Variants in AAGAB observed in about 807,000 individuals in gnomAD.
AAGAB encodes alpha- and gamma-adaptin-binding protein p34.
AAGAB carries 38 observed loss-of-function variants against 44.1 expected under a neutral mutation model. That is an observed-to-expected ratio of 0.86 (90% CI 0.67 to 1.13). AAGAB has a LOEUF of 1.13. Among genes scored for constraint, AAGAB ranks in the 50% most tolerant of loss-of-function variants. AAGAB has a pLI of 0.00. For synonymous variants in AAGAB, 131 were observed against 131.8 expected (o/e 0.99, Z 0.04); for missense variants, 450 against 373.8 (o/e 1.20, Z -1.68).
chr15:67,231,092 T>G (rs1160870870), intron 5 of AAGAB, among the ~76,000 whole-genome samples: 1 of 152,106 alleles, frequency 6.6e-6, no homozygotes, highest in Non-Finnish European at 1.5e-5. Flanking sequence ...CAGGCTGGTG[T>G]GCAGTGGCAT....
intron 7 of AAGAB, among the ~76,000 whole-genome samples, chr15:67,207,405 C>T (rs948635471): frequency 1.3e-5 from 2 of 152,164 alleles, no homozygotes; most frequent in African/African-American, 4.8e-5. Context: ...GCCATGAGTT[C>T]ATACTGATAC....
rs141070995 is a variant in AAGAB, at chr15:67,214,255, C to A, written c.536-4711G>T. On this transcript the variant is annotated intron_variant, in intron 5 of 9. Transcript: ENST00000261880. ...TTAGACTGTGATTTTCACTGAAGTA[C>A]GCTGAATAACTCAGGACTGAATAAT... Among the ~76,000 whole-genome samples, 3 of 152,176 alleles carry A rather than the reference C, an allele frequency of 2.0e-5. No individual in the cohort carries two copies. The East Asian group carries it at 5.8e-4, about 29-fold the overall frequency.
intron 5 of AAGAB, among the ~76,000 whole-genome samples, chr15:67,217,534 C>T (rs1963978179): frequency 6.6e-6 from 1 of 152,054 alleles, no homozygotes; most frequent in African/African-American, 2.4e-5. Flanking sequence ...TGTTTAGGTA[C>T]ACATTTCTTT....
Position 67,209,080 on chromosome 15 carries a change from G to C in AAGAB, c.618+382C>G, listed in dbSNP as rs147319532. Among the ~76,000 whole-genome samples the C allele has an allele frequency of 5.3e-5, 8 of 152,322 alleles. No homozygotes were observed. In the East Asian group the frequency reaches 1.5e-3, roughly 29 times the overall value. ...GTAAACCTGGAACAAAGTTCTTAAG[G>C]ATGCAGGGTTGAAACTGGACTACAA... On this transcript the variant is annotated intron_variant, in intron 6 of 9. Transcript: ENST00000261880.
chr15:67,212,064 T>C (rs1241493268), intron 5 of AAGAB, among the ~76,000 whole-genome samples: 1 of 152,068 alleles, frequency 6.6e-6, no homozygotes, highest in Non-Finnish European at 1.5e-5. Context: ...TGTATTTTTA[T>C]TGGAGACGGG....
At chr15:67,203,475 T>A (rs149079147) in intron 9 of AAGAB, 73 bp downstream of exon 9, 16,356 of 1,261,368 alleles carry the variant, frequency 0.013, 200 homozygotes, top group South Asian at 0.029. Flanking sequence ...AATACACAAG[T>A]GTGATATATA....
At chr15:67,208,364 T>C (rs1191116891) in intron 7 of AAGAB, among the ~76,000 whole-genome samples, 198 bp downstream of exon 7, 3 of 152,222 alleles carry the variant, frequency 2.0e-5, no homozygotes, top group Non-Finnish European at 4.4e-5. Context: ...GAGAAAATGG[T>C]ACCCACATAT....
At chr15:67,225,460 G>GT in intron 5 of AAGAB, among the ~76,000 whole-genome samples, 1 of 151,962 alleles carries the variant, frequency 6.6e-6, no homozygotes, top group East Asian at 1.9e-4. Flanking sequence ...TGATTCAGTG[G>GT]TTTTTAGTAT....
chr15:67,210,176 T>C (rs1963782082), intron 5 of AAGAB, among the ~76,000 whole-genome samples: 2 of 152,202 alleles, frequency 1.3e-5, no homozygotes, highest in African/African-American at 4.8e-5. Context: ...AAGGCATTCA[T>C]ATCAGGTGAA....
At chr15:67,253,108 A>G (rs1014378629) in intron 1 of AAGAB, among the ~76,000 whole-genome samples, 1 of 152,200 alleles carries the variant, frequency 6.6e-6, no homozygotes, top group African/African-American at 2.4e-5. Flanking sequence ...TCTTGCGAAA[A>G]TTATCCCTAT....
At chr15:67,206,150 G>A (rs1477679575) in intron 7 of AAGAB, among the ~76,000 whole-genome samples, 3 of 152,082 alleles carry the variant, frequency 2.0e-5, no homozygotes, top group African/African-American at 4.8e-5. Flanking sequence ...AGTCTTTCAC[G>A]ACTTTAACAC....
At chr15:67,203,475 T>C in intron 9 of AAGAB, 73 bp downstream of exon 9, 1 of 1,261,502 alleles carries the variant, frequency 7.9e-7, no homozygotes, top group South Asian at 1.3e-5. Context: ...AATACACAAG[T>C]GTGATATATA....
In AAGAB at chr15:67,201,717, C is replaced by T. The variant is rs1963573841; in HGVS notation, c.*1104G>A. On this transcript the variant is annotated 3_prime_UTR_variant, in exon 10 of 10. Coordinates refer to ENST00000261880, the MANE Select transcript of AAGAB (RefSeq NM_024666.5). Reference sequence around the variant, plus strand: ...TTTATTTGCAGTACTTTCCACTCTTCCTTTAAAAACTTGCCATTTGCTTAT... The same window carrying T: ...TTTATTTGCAGTACTTTCCACTCTTTCTTTAAAAACTTGCCATTTGCTTAT... The T allele has an allele frequency of 6.6e-6, 1 of 152,332 alleles. No homozygotes were observed. The highest frequency in any genetic ancestry group is 1.5e-5 in the Non-Finnish European group (1 of 68,048). The allele number at this position is 152,332 out of a possible 1,614,324, so 9.4% of individuals were successfully genotyped here. A position where few individuals can be genotyped will look rare whatever the true frequency, so the allele number is the denominator to read the frequency against.
At chr15:67,218,717 C>T (rs1251209089) in intron 5 of AAGAB, among the ~76,000 whole-genome samples, 4 of 152,166 alleles carry the variant, frequency 2.6e-5, no homozygotes, top group Non-Finnish European at 4.4e-5. Flanking sequence ...AGCATTGACC[C>T]AGTTTCTCCT....
At position 67,235,841 on chromosome 15, in the gene AAGAB, C is replaced by T. The variant is rs550934057; in HGVS notation, c.451+138G>A. The T allele has an allele frequency of 1.9e-4, 122 of 646,508 alleles. No homozygotes were observed. The African/African-American group carries it at 2.0e-3, about 11-fold the overall frequency. 40.0% of individuals were successfully genotyped at this position (646,508 alleles called of 1,614,324 possible). On this transcript the variant is annotated intron_variant, in intron 4 of 9. Coordinates refer to ENST00000261880, the MANE Select transcript of AAGAB (RefSeq NM_024666.5). ...CACTAAGTGTAAGATTATAAGATTA[C>T]ATCAATGGATTTTGCTTAAATCCTT...
chr15:67,237,828 G>C (rs1964506864), intron 1 of AAGAB, among the ~76,000 whole-genome samples: 1 of 152,048 alleles, frequency 6.6e-6, no homozygotes, highest in African/African-American at 2.4e-5. Context: ...AGATGAACAC[G>C]TATTAATGAA....
In AAGAB at chr15:67,251,402, C is replaced by A. The variant is rs1037575300; in HGVS notation, c.73+3157G>T. ...AGGACGAAAGGCACATACCACTATG[C>A]CCGGCTAATTTGTTAACATTTTTAT... On this transcript the variant is annotated intron_variant, in intron 1 of 9. Transcript: ENST00000261880. Among the ~76,000 whole-genome samples the A allele has an allele frequency of 2.6e-5, 4 of 152,114 alleles. No homozygotes were observed. The East Asian group carries it at 7.7e-4, about 29-fold the overall frequency.
chr15:67,231,008 T>G (rs923111402), intron 5 of AAGAB, among the ~76,000 whole-genome samples: 1 of 152,134 alleles, frequency 6.6e-6, no homozygotes, highest in Admixed American at 6.5e-5. Context: ...TAGCTCCAAA[T>G]GCTAGGTGAT....
chr15:67,208,366 C>T (rs1963732203), intron 7 of AAGAB, among the ~76,000 whole-genome samples, 196 bp downstream of exon 7: 1 of 152,194 alleles, frequency 6.6e-6, no homozygotes, highest in South Asian at 2.1e-4. Context: ...GAAAATGGTA[C>T]CCACATATTT....
Sources: gnomAD v4.1 joint callset for allele counts (sites outside exome capture counted in the v4.1 genomes callset) on GRCh38, gnomAD v4.1.1 for gene constraint, MANE v1.5 for transcripts, NCBI Gene and HGNC (gene_info 2026-07-23, HGNC 2026-07-21) for gene names.